PNCK: variants seen among roughly 807,000 people sequenced by gnomAD.
PNCK encodes pregnancy up-regulated nonubiquitous CaM kinase.
In PNCK, 21 loss-of-function variants were observed where a neutral mutation model predicts 28.3. The ratio of observed to expected loss-of-function variants is 0.74; its 90% CI spans 0.53 to 1.07. PNCK has a LOEUF of 1.07. PNCK is among the 50% of genes least tolerant of loss of function. The pLI, the probability that PNCK is intolerant of heterozygous loss-of-function variation, is 0.00. For synonymous variants in PNCK, 136 were observed against 125.2 expected, an observed-to-expected ratio of 1.09 and a Z score of -0.58; for missense variants, 250 against 298.3, an observed-to-expected ratio of 0.84 and a Z score of 1.19.
chrX:153,673,107 G>T (rs782349073), intron 1 of PNCK, 29 bp from the exon 2 acceptor site: 5 of 1,162,711 alleles, frequency 4.3e-6, no homozygotes, highest in Middle Eastern at 2.5e-4. Context: ...GGTGATGGGG[G>T]TCTCTCCCCG....
chrX:153,673,176 T>C, intron 1 of PNCK, 98 bp from the exon 2 acceptor site: 1 of 1,179,974 alleles, frequency 8.5e-7, no homozygotes, highest in Non-Finnish European at 1.1e-6. Flanking sequence ...GCCTCAGCCA[T>C]TGCCGCTGCG....
intron 7 of PNCK, 28 bp downstream of exon 7, chrX:153,671,257 G>A: frequency 1.2e-5 from 15 of 1,208,388 alleles, no homozygotes; most frequent in Non-Finnish European, 1.6e-5. Context: ...AGGCAGGCAG[G>A]AGACAAGCCT....
At chrX:153,671,387 C>T (rs2091297030) in intron 6 of PNCK, 27 bp from the exon 7 acceptor site, 6 of 1,210,498 alleles carry the variant, frequency 5.0e-6, no homozygotes, top group Middle Eastern at 2.3e-4. Context: ...GACAGACGCA[C>T]GCACAGGCAC....
At chrX:153,673,976 C>A, upstream of PNCK, 1 of 1,155,266 alleles carries the variant, frequency 8.7e-7, no homozygotes. Flanking sequence ...GCCGCCACCG[C>A]CCAGCCCACT....
At chrX:153,672,817 C>T in intron 2 of PNCK, 120 bp from the exon 3 acceptor site, 1 of 957,611 alleles carries the variant, frequency 1.0e-6, no homozygotes, top group Non-Finnish European at 1.4e-6. Flanking sequence ...CTACCTGGCC[C>T]TGTGCCACCC....
At chrX:153,678,716 G>A (rs1196151581), upstream of PNCK, among the ~76,000 whole-genome samples, 2 of 111,286 alleles carry the variant, frequency 1.8e-5, no homozygotes, top group African/African-American at 3.3e-5. Flanking sequence ...AGAGTGTCAC[G>A]TGTCCACCAT....
chrX:153,677,585 T>C (rs199943701), upstream of PNCK, among the ~76,000 whole-genome samples: 5 of 78,582 alleles, frequency 6.4e-5, no homozygotes, highest in Non-Finnish European at 2.4e-5. Context: ...GTATATATAG[T>C]GTATATATAT....
rs1557040691 is a variant in PNCK at position 153,673,087 on chromosome X, G to A, written c.-2-9C>T. On this transcript the variant is annotated splice_polypyrimidine_tract_variant and intron_variant, in intron 1 of 11. Coordinates refer to ENST00000340888, the MANE Select transcript of PNCK (RefSeq NM_001366977.1). ...CTTCAGCAGCAGCATGTCTGCAGGG[G>A]CAGGGGAGAGGTGATGGGGGTCTCT... 1.7e-6 allele frequency: 2 copies of A among 1,188,188 alleles called. No individual in the cohort carries two copies.
At chrX:153,683,218 G>T (rs782812485) in intron 1 of PNCK, among the ~76,000 whole-genome samples, 1 of 112,300 alleles carries the variant, frequency 8.9e-6, no homozygotes, top group South Asian at 3.7e-4. Flanking sequence ...TAGGCTCACT[G>T]CAAGCTCCGC....
chrX:153,671,195 C>T lies in PNCK; in HGVS notation c.615-5G>A. The T allele has an allele frequency of 8.3e-7, 1 of 1,211,792 alleles. No homozygotes were observed. Among genetic ancestry groups the T allele is most frequent in the Non-Finnish European group, 1.1e-6 (1 of 895,384 alleles). On this transcript the variant is annotated splice_polypyrimidine_tract_variant and splice_region_variant and intron_variant, in intron 7 of 11. Transcript: ENST00000340888. Reference sequence around the variant, plus strand: ...AAGGGGGGGTACCCACACAGCCTGGCACCCACAGATGAATCATCCAGCTGT... The same window carrying T: ...AAGGGGGGGTACCCACACAGCCTGGTACCCACAGATGAATCATCCAGCTGT...
At chrX:153,677,646 GTA>G (rs1219884755), upstream of PNCK, among the ~76,000 whole-genome samples, 5 of 96,681 alleles carry the variant, frequency 5.2e-5, no homozygotes, top group Non-Finnish European at 6.1e-5. Flanking sequence ...TATATATAGT[GTA>G]TATATATAGT....
upstream of PNCK, among the ~76,000 whole-genome samples, chrX:153,678,999 T>C (rs1416359436): frequency 2.7e-5 from 3 of 111,706 alleles, no homozygotes; most frequent in Non-Finnish European, 5.6e-5. Context: ...CACTGACTAG[T>C]ATTCCATTGT....
Position 153,670,831 on chromosome X carries a change from C to G in PNCK, c.807G>C (p.Trp269Cys). ...TGTCGAAGGCTGTGTCCCCAGAGATCCTGGGGAAAGGCTGAAGGTCAGGGG... is the reference window on the plus strand; with the variant it reads ...TGTCGAAGGCTGTGTCCCCAGAGATGCTGGGGAAAGGCTGAAGGTCAGGGG... The part of the protein sequence containing the change: ...FTCQQALRHL[W>C]ISGDTAFDRD... Residue 269 changes from tryptophan to cysteine, a missense_variant and splice_region_variant, in exon 10 of 12, where the codon TGG (tryptophan) becomes TGC (cysteine). Trp to Cys is a radical substitution (Grantham distance 215). Transcript: ENST00000340888. The G allele has an allele frequency of 8.3e-7, 1 of 1,210,551 alleles. No individual in the cohort carries two copies. Among genetic ancestry groups the G allele is most frequent in the Admixed American group, 2.2e-5 (1 of 46,110 alleles).
upstream of PNCK, among the ~76,000 whole-genome samples, chrX:153,678,835 CTTTT>C (rs55925645): frequency 3.5e-3 from 329 of 95,102 alleles, 1 homozygote; most frequent in African/African-American, 0.012. Context: ...CGTTTTCTGT[CTTTT>C]TTTTTTTTTT....
At chrX:153,677,607 A>ATATATAGTG (rs2091373450), upstream of PNCK, among the ~76,000 whole-genome samples, 1 of 97,263 alleles carries the variant, frequency 1.0e-5, no homozygotes, top group African/African-American at 4.3e-5. Context: ...TATAGTGTGT[A>ATATATAGTG]TATATATAGT....
chrX:153,675,860 C>T (rs992300463), upstream of PNCK, among the ~76,000 whole-genome samples: 17 of 108,194 alleles, frequency 1.6e-4, no homozygotes, highest in African/African-American at 5.3e-4. Flanking sequence ...TTACACCCTC[C>T]GGCCTGGCAA....
chrX:153,684,855 C>A (rs781885171), intron 1 of PNCK, among the ~76,000 whole-genome samples: 248 of 88,552 alleles, frequency 2.8e-3, no homozygotes, highest in African/African-American at 9.8e-3. Context: ...CTCCTCCCCT[C>A]TCCCTCCTCC....
In PNCK at chrX:153,681,066, G is replaced by C. The variant is rs782357823; in HGVS notation, c.-3+6365C>G. ...AAAAAAAAAAGGACAAAGGACACAG[G>C]AGCCAACCGAAAGAGAGTCCAATGG... On this transcript the variant is annotated intron_variant, in intron 1 of 3. Transcript: ENST00000419804. Among the ~76,000 whole-genome samples the C allele has an allele frequency of 3.7e-5, 4 of 108,496 alleles. No individual in the cohort carries two copies. In the South Asian group the frequency reaches 1.6e-3, roughly 44 times the overall value. The allele number at this position is 108,496 out of a possible 115,157, so 94.2% of individuals were successfully genotyped here. A position where few individuals can be genotyped will look rare whatever the true frequency, so the allele number is the denominator to read the frequency against.
chrX:153,670,696 C>G, intron 10 of PNCK, 48 bp downstream of exon 10: 1 of 1,192,061 alleles, frequency 8.4e-7, no homozygotes, highest in Non-Finnish European at 1.1e-6. Context: ...GATCAGGCTA[C>G]AGCTGGGGTG....
Sources: gnomAD v4.1 joint callset for allele counts (sites outside exome capture counted in the v4.1 genomes callset) on GRCh38, gnomAD v4.1.1 for gene constraint, MANE v1.5 for transcripts, NCBI Gene and HGNC (gene_info 2026-07-23, HGNC 2026-07-21) for gene names.